The following ROBO2 variants were observed in gnomAD, a reference collection of about 807,000 sequenced individuals.
ROBO2 encodes roundabout guidance receptor 2, also known as roundabout homolog 2.
In ROBO2, 53 loss-of-function variants were observed where a neutral mutation model predicts 160.8. The observed-to-expected ratio is 0.33, with a 90% confidence interval of 0.26 to 0.41. The LOEUF (loss-of-function observed/expected upper bound fraction) is 0.41, where lower values mean the gene tolerates loss of function less well. Among genes scored for constraint, ROBO2 ranks in the 10% least tolerant of loss-of-function variants. The pLI is 1.00. For synonymous variants in ROBO2, 664 were observed against 611.7 expected, an observed-to-expected ratio of 1.09 and a Z score of -1.26; for missense variants, 1,577 against 1,722.4, an observed-to-expected ratio of 0.92 and a Z score of 1.49.
chr3:77,215,497 G>A (rs1358164551), intron 2 of ROBO2, among the ~76,000 whole-genome samples: 2 of 151,922 alleles, frequency 1.3e-5, no homozygotes, highest in African/African-American at 4.8e-5. Flanking sequence ...TTTTTTCAAG[G>A]TTTTTAACTT....
chr3:76,829,394 G>A (rs2109288376), intron 2 of ROBO2, among the ~76,000 whole-genome samples: 1 of 151,930 alleles, frequency 6.6e-6, no homozygotes, highest in East Asian at 1.9e-4. Context: ...CAGGTTGGTG[G>A]GTGCAGCAAA....
At chr3:76,759,962 G>T (rs980785086) in intron 2 of ROBO2, among the ~76,000 whole-genome samples, 1 of 151,716 alleles carries the variant, frequency 6.6e-6, no homozygotes, top group African/African-American at 2.4e-5. Context: ...CTGGGACTCA[G>T]AATTCTCATC....
chr3:77,057,031 T>C (rs55650172), intron 1 of ROBO2, among the ~76,000 whole-genome samples: 30,618 of 152,116 alleles, frequency 0.2, 3,456 homozygotes, highest in East Asian at 0.47. Flanking sequence ...ATTGCGGCAT[T>C]ATTCACAATA....
At chr3:75,981,460 A>G (rs115788879) in intron 2 of ROBO2, among the ~76,000 whole-genome samples, 1 of 151,436 alleles carries the variant, frequency 6.6e-6, no homozygotes, top group Non-Finnish European at 1.5e-5. Context: ...TTCACAAAAA[A>G]TAACTCGTGA....
At chr3:77,257,584 T>C (rs984741012) in intron 2 of ROBO2, among the ~76,000 whole-genome samples, 6 of 152,296 alleles carry the variant, frequency 3.9e-5, no homozygotes, top group African/African-American at 1.2e-4. Flanking sequence ...TTTTAGGAAG[T>C]GCAAATAGTC....
intron 2 of ROBO2, among the ~76,000 whole-genome samples, chr3:77,138,925 CTGACTCTGGCTCTGTGT>C (rs1191805935): frequency 6.6e-6 from 1 of 152,104 alleles, no homozygotes; most frequent in African/African-American, 2.4e-5. Flanking sequence ...AAAAAAATGT[CTGACTCTGGCTCTGTGT>C]TGCAAAGCAT....
intron 2 of ROBO2, among the ~76,000 whole-genome samples, chr3:76,374,601 A>G (rs2076254470): frequency 6.6e-6 from 1 of 152,018 alleles, no homozygotes; most frequent in African/African-American, 2.4e-5. Context: ...AACTCCCCTT[A>G]CATGCTAGTT....
intron 21 of ROBO2, among the ~76,000 whole-genome samples, chr3:77,612,093 A>G (rs1403441702): frequency 6.6e-6 from 1 of 152,220 alleles, no homozygotes; most frequent in Non-Finnish European, 1.5e-5. Context: ...GTTGCCAGGC[A>G]AGACAGATAA....
At chr3:76,116,153 C>T (rs2070461340) in intron 2 of ROBO2, among the ~76,000 whole-genome samples, 1 of 152,062 alleles carries the variant, frequency 6.6e-6, no homozygotes, top group Non-Finnish European at 1.5e-5. Flanking sequence ...AGATCTTGGA[C>T]AAGTTTGTCA....
At chr3:76,524,826 T>TAAAAAAAAAAAAAAAAAA (rs58091252) in intron 2 of ROBO2, among the ~76,000 whole-genome samples, 5 of 21,718 alleles carry the variant, frequency 2.3e-4, no homozygotes, top group African/African-American at 2.8e-4. Context: ...CTCTTATTCC[T>TAAAAAAAAAAAAAAAAAA]AAAAAAAAAA....
intron 2 of ROBO2, among the ~76,000 whole-genome samples, chr3:76,762,334 A>T (rs2061351557): frequency 6.6e-6 from 1 of 151,636 alleles, no homozygotes; most frequent in Admixed American, 6.6e-5. Flanking sequence ...AAATTTGTAT[A>T]AAAAATACAA....
chr3:77,172,146 T>A (rs2079698711), intron 2 of ROBO2, among the ~76,000 whole-genome samples: 1 of 152,180 alleles, frequency 6.6e-6, no homozygotes, highest in South Asian at 2.1e-4. Flanking sequence ...CAGGGTTTTC[T>A]TAACATCAAA....
chr3:76,222,573 A>G (rs1559657804), intron 2 of ROBO2, among the ~76,000 whole-genome samples: 2 of 150,190 alleles, frequency 1.3e-5, no homozygotes, highest in South Asian at 4.3e-4. Flanking sequence ...ACTGTCTGTG[A>G]CCAATTATTA....
intron 2 of ROBO2, among the ~76,000 whole-genome samples, chr3:76,853,364 ATTC>A (rs776874317): frequency 7.2e-5 from 11 of 152,122 alleles, no homozygotes; most frequent in Non-Finnish European, 1.5e-4. Context: ...ACATGGATTT[ATTC>A]TAAGACTTGT....
intron 2 of ROBO2, among the ~76,000 whole-genome samples, chr3:77,462,350 C>A (rs368809210): frequency 1.3e-5 from 2 of 152,106 alleles, no homozygotes; most frequent in African/African-American, 2.4e-5. Context: ...AAGAAATGTC[C>A]TTCTCAATAG....
chr3:77,175,404 T>C (rs756329403), intron 2 of ROBO2, among the ~76,000 whole-genome samples: 2 of 151,984 alleles, frequency 1.3e-5, no homozygotes, highest in East Asian at 1.9e-4. Flanking sequence ...GAAATGTAGA[T>C]TGGAATGATA....
At chr3:76,625,609 A>T (rs2089581765) in intron 2 of ROBO2, among the ~76,000 whole-genome samples, 1 of 152,168 alleles carries the variant, frequency 6.6e-6, no homozygotes, top group Non-Finnish European at 1.5e-5. Context: ...AAAAGGAAGT[A>T]AAGGAGGAAG....
chr3:76,352,100 T>A (rs985369631), intron 2 of ROBO2, among the ~76,000 whole-genome samples: 2 of 152,000 alleles, frequency 1.3e-5, no homozygotes, highest in Admixed American at 1.3e-4. Flanking sequence ...GTGGATGAAG[T>A]GTTGTCAACC....
At chr3:76,458,020 T>G (rs1320273874) in intron 2 of ROBO2, among the ~76,000 whole-genome samples, 1 of 152,178 alleles carries the variant, frequency 6.6e-6, no homozygotes, top group African/African-American at 2.4e-5. Flanking sequence ...TCTCCATGTC[T>G]CTGACATGGC....
Sources: gnomAD v4.1 joint callset for allele counts (sites outside exome capture counted in the v4.1 genomes callset) on GRCh38, gnomAD v4.1.1 for gene constraint, MANE v1.5 for transcripts, NCBI Gene and HGNC (gene_info 2026-07-23, HGNC 2026-07-21) for gene names.